EML3: variants seen among roughly 807,000 people sequenced by gnomAD.
The protein encoded by EML3 is echinoderm microtubule-associated protein-like 3.
Under a neutral mutation model 106.7 loss-of-function variants are expected in EML3, and 53 were observed. The observed-to-expected ratio is 0.50, with a 90% CI of 0.40 to 0.62. EML3 has a LOEUF of 0.62. Ranked by LOEUF, EML3 falls within the 20% of genes least tolerant of loss-of-function variation. The probability of loss-of-function intolerance (pLI) is 0.00; values close to 1 mark genes in which losing one functional copy is unlikely to be tolerated. For synonymous variants in EML3, 499 were observed against 489.6 expected (o/e 1.02, Z -0.25); for missense variants, 994 against 1,209.1 (o/e 0.82, Z 2.64).
chr11:62,609,607 C>T (rs1360361303), intron 5 of EML3, 22 bp downstream of exon 5: 1 of 1,597,526 alleles, frequency 6.3e-7, no homozygotes. Flanking sequence ...CCAAGTTTTC[C>T]TCTCTGTCCC....
chr11:62,607,894 G>C, intron 10 of EML3, 73 bp from the exon 11 acceptor site: 2 of 1,539,218 alleles, frequency 1.3e-6, no homozygotes, highest in Non-Finnish European at 1.8e-6. Flanking sequence ...TCCTCAATTT[G>C]CATCATGACA....
Position 62,611,568 on chromosome 11 carries a change from C to T in EML3, c.51G>A (p.Gln17=), listed in dbSNP as rs933078847. Residue 17 remains glutamine (Q), a synonymous_variant, in exon 2 of 22, where the codon CAG becomes CAA. Coordinates refer to ENST00000394773, the MANE Select transcript of EML3 (RefSeq NM_153265.3). ...PGDGPAREAL[Q]SLSQRLRVQE... ...GCACCCGAAGCCGCTGGCTCAGAGACTGGAGGGCCTCCCGAGCAGGGCCGT... is the reference window on the plus strand; with the variant it reads ...GCACCCGAAGCCGCTGGCTCAGAGATTGGAGGGCCTCCCGAGCAGGGCCGT... The T allele has an allele frequency of 2.5e-6, 4 of 1,613,552 alleles. No individual in the cohort carries two copies. Among genetic ancestry groups the T allele is most frequent in the African/African-American group, 2.7e-5 (2 of 74,952 alleles).
At position 62,611,072 on chromosome 11, in the gene EML3, C is replaced by T; in HGVS notation, c.452+15G>A. 6.2e-7 allele frequency: 1 copy of T among 1,600,734 alleles called. No homozygotes were observed. The highest frequency in any genetic ancestry group is 8.5e-7 in the Non-Finnish European group (1 of 1,177,650). On this transcript the variant is annotated intron_variant, in intron 3 of 21. Transcript: ENST00000394773. ...ACCCCTCCCAGCTTCCGCCACAGGG[C>T]CACAGGACACCTACGTGTCAGCACG... is the stretch of plus-strand genomic sequence containing the variant.
At position 62,611,737 on chromosome 11, in the gene EML3, G is replaced by A; in HGVS notation, c.23-141C>T. 5 of 968,982 alleles carry A rather than the reference G, an allele frequency of 5.2e-6. No individual in the cohort carries two copies. In the East Asian group the frequency reaches 8.1e-5, roughly 16 times the overall value. 60.0% of individuals were successfully genotyped at this position (968,982 alleles called of 1,614,324 possible). On this transcript the variant is annotated intron_variant, in intron 1 of 21. Transcript: ENST00000394773. ...CCCCAGGCTTGAATGCTCGTCCAGA[G>A]GGGAGGAGACGGTGGTAAAGGATCA...
At chr11:62,611,035 T>C (rs1942789058) in intron 3 of EML3, 43 bp from the exon 4 acceptor site, 3 of 1,607,712 alleles carry the variant, frequency 1.9e-6, no homozygotes, top group Admixed American at 1.7e-5. Flanking sequence ...AACTGTACTC[T>C]GCAATCCTAC....
In EML3 at chr11:62,603,952, G is replaced by A. The variant is rs1403401738; in HGVS notation, c.2161C>T (p.Arg721Cys). The change falls in exon 18 of 22, where the codon CGC becomes TGC. Residue 721 changes from arginine to cysteine, a missense_variant. Around this residue, in one of 3 missense-constraint regions of EML3, gnomAD observed 713 missense variants for 920.5 expected, o/e 0.77. Coordinates refer to ENST00000394773, the MANE Select transcript of EML3 (RefSeq NM_153265.3). ...CACCCCAACTTCCTCACCATACAGC[G>A]GCCAAAGCGGCTGGATTTGGCACCA... Reference protein sequence around the residue: ...SDGAKSSRFGRCMGHSSFITH... With the variant: ...SDGAKSSRFGCCMGHSSFITH... 14 of 1,613,882 alleles carry A rather than the reference G, an allele frequency of 8.7e-6. No individual in the cohort carries two copies. Among genetic ancestry groups the A allele is most frequent in the South Asian group, 1.1e-5 (1 of 91,060 alleles).
At position 62,605,990 on chromosome 11, in the gene EML3, G is replaced by C. The variant is rs781386660; in HGVS notation, c.1657-10C>G. On this transcript the variant is annotated splice_polypyrimidine_tract_variant and intron_variant, in intron 13 of 21. Coordinates refer to ENST00000394773, the MANE Select transcript of EML3 (RefSeq NM_153265.3). The surrounding 1 kb of genome is among the most constrained non-coding windows in gnomAD (Gnocchi z 5.2). ...CGAAGTGCTCGGGAATCTGCAGAGT[G>C]GTAGCAGAATGTCAAGAGCCCACTG... 1.2e-6 allele frequency: 2 copies of C among 1,613,908 alleles called. No homozygotes were observed. The highest frequency in any genetic ancestry group is 3.3e-5 in the Admixed American group (2 of 60,022).
intron 12 of EML3, 34 bp downstream of exon 12, chr11:62,606,921 GTAC>G: frequency 1.3e-6 from 2 of 1,598,220 alleles, no homozygotes; most frequent in Non-Finnish European, 1.7e-6. Flanking sequence ...AACCTCTGGA[GTAC>G]TACACTTCCC....
In EML3 at chr11:62,611,491, A is replaced by C. The variant is rs1288918986; in HGVS notation, c.128T>G (p.Leu43Arg). ...GGAAGGGGGCACCTGCAGCCGCAGCAGGCGAAGGGCTTCTGCCAGGGCTGC... is the reference window on the plus strand; with the variant it reads ...GGAAGGGGGCACCTGCAGCCGCAGCCGGCGAAGGGCTTCTGCCAGGGCTGC... ...VKAALAEALR[L>R]LRLQVPPSSL... The change falls in exon 2 of 22, where the codon CTG (leucine) becomes CGG (arginine). Residue 43 changes from leucine to arginine, a missense_variant. Physicochemically the swap from Leu to Arg is moderately radical, Grantham distance 102 (BLOSUM62 -2). Around this residue, in one of 3 missense-constraint regions of EML3, gnomAD observed 269 missense variants for 265.1 expected, o/e 1.01. Transcript: ENST00000394773. 1 of 1,613,776 alleles carries C rather than the reference A, an allele frequency of 6.2e-7. No homozygotes were observed. The highest frequency in any genetic ancestry group is 8.5e-7 in the Non-Finnish European group (1 of 1,179,940).
intron 9 of EML3, 72 bp downstream of exon 9, chr11:62,608,470 G>T: frequency 6.6e-7 from 1 of 1,504,388 alleles, no homozygotes; most frequent in Non-Finnish European, 9.2e-7. Context: ...AACTTCCAAG[G>T]CTTCCTGGTG....
chr11:62,602,701 G>A lies in EML3; in HGVS notation c.2488-23C>T, dbSNP rs749247787. The A allele has an allele frequency of 2.5e-6, 4 of 1,597,846 alleles. No individual in the cohort carries two copies. The East Asian group carries it at 6.8e-5, about 27-fold the overall frequency. On this transcript the variant is annotated intron_variant, in intron 21 of 21. Transcript: ENST00000394773. ...CGCCTGGGCCGGAGGGAAGAGTTGC[G>A]GTGGCGGCTGAGCCCTCGGGCCCAC...
Position 62,610,864 on chromosome 11 carries a change from G to GGAA in EML3, c.566+12_566+14dup. The GGAA allele has an allele frequency of 1.3e-6, 2 of 1,592,486 alleles. No homozygotes were observed. Among genetic ancestry groups the GGAA allele is most frequent in the Non-Finnish European group, 1.7e-6 (2 of 1,170,522 alleles). On this transcript the variant is annotated intron_variant, in intron 4 of 21. Transcript: ENST00000394773. ...GCGCCTGGGGCGGGGTGGGTTGAGG[G>GGAA]GAAGCCTCACCCACCTCTCTGTGCT...
intron 11 of EML3, 153 bp downstream of exon 11, chr11:62,607,513 G>C: frequency 1.1e-6 from 1 of 876,796 alleles, no homozygotes; most frequent in East Asian, 2.7e-5. Context: ...CTCTGGCCTG[G>C]GTGACAAGAG....
In EML3 at chr11:62,605,525, A is replaced by G; in HGVS notation, c.1914+117T>C. 7.5e-7 allele frequency: 1 copy of G among 1,333,448 alleles called. No homozygotes were observed. Among genetic ancestry groups the G allele is most frequent in the Non-Finnish European group, 1.0e-6 (1 of 986,362 alleles). 82.6% of individuals were successfully genotyped at this position (1,333,448 alleles called of 1,614,324 possible). A position where few individuals can be genotyped will look rare whatever the true frequency, so the allele number is the denominator to read the frequency against. ...TAATATTTGAGTAGCCAGTGCAGCC[A>G]TACCAGTACAAACTGGCCACCTCTG... On this transcript the variant is annotated intron_variant, in intron 15 of 21. Transcript: ENST00000394773. This position sits in a 1 kb window ranked among gnomAD's most constrained non-coding sequence, Gnocchi z 5.2.
intron 4 of EML3, 101 bp from the exon 5 acceptor site, chr11:62,609,797 C>T: frequency 9.8e-7 from 1 of 1,017,032 alleles, no homozygotes; most frequent in Non-Finnish European, 1.4e-6. Flanking sequence ...AAACCACAGT[C>T]ACTTCTGCAA....
At chr11:62,610,170 G>A (rs576816083) in intron 4 of EML3, among the ~76,000 whole-genome samples, 6 of 152,294 alleles carry the variant, frequency 3.9e-5, no homozygotes, top group African/African-American at 9.6e-5. Flanking sequence ...AAAGGGAGTC[G>A]AGAATGTACA....
At chr11:62,602,968 C>T in intron 20 of EML3, 79 bp from the exon 21 acceptor site, 2 of 1,469,704 alleles carry the variant, frequency 1.4e-6, no homozygotes, top group Non-Finnish European at 9.0e-7. Flanking sequence ...TCAGGCGCTC[C>T]GGCAGCCGCG....
chr11:62,604,122 A>G lies in EML3; in HGVS notation c.2062T>C (p.Tyr688His). The change falls in exon 17 of 22, where the codon TAC becomes CAC. Residue 688 changes from tyrosine (Y) to histidine (H), a missense_variant. Transcript: ENST00000394773. Reference sequence around the variant, plus strand: ...TTGGGGTGGCTCCCACCTGGGCTGTACCGGACCACTGAGAGCTGCTCATTG... The same window carrying G: ...TTGGGGTGGCTCCCACCTGGGCTGTGCCGGACCACTGAGAGCTGCTCATTG... ...DGNEQLSVVR[Y>H]SPDGLYLAIG... 6.2e-7 allele frequency: 1 copy of G among 1,614,050 alleles called. No homozygotes were observed. The highest frequency in any genetic ancestry group is 8.5e-7 in the Non-Finnish European group (1 of 1,179,998).
chr11:62,605,772 C>A lies in EML3; in HGVS notation c.1784G>T (p.Gly595Val). The A allele has an allele frequency of 6.3e-7, 1 of 1,596,244 alleles. No individual in the cohort carries two copies. Among genetic ancestry groups the A allele is most frequent in the Non-Finnish European group, 8.6e-7 (1 of 1,169,534 alleles). The change falls in exon 15 of 22, where the codon GGC becomes GTC. Residue 595 changes from glycine to valine, a missense_variant and splice_region_variant. Gly to Val is a moderately radical substitution (Grantham distance 109). Around this residue, in one of 3 missense-constraint regions of EML3, gnomAD observed 713 missense variants for 920.5 expected, o/e 0.77. Transcript: ENST00000394773. The surrounding 1 kb of genome is among the most constrained non-coding windows in gnomAD (Gnocchi z 5.2). ...LAQGFSPVIQ[G>V]HTDELWGLCT... ...GAGCCCCCAGAGCTCATCAGTGTGGCCCTGCAGCACAGCATGACTGTCACT... is the reference window on the plus strand; with the variant it reads ...GAGCCCCCAGAGCTCATCAGTGTGGACCTGCAGCACAGCATGACTGTCACT...
Sources: allele counts gnomAD v4.1 joint callset (sites outside exome capture counted in the v4.1 genomes callset), GRCh38; gene constraint gnomAD v4.1.1; regional missense constraint gnomAD v4.1.1; non-coding constraint Gnocchi (gnomAD v3.1); transcripts MANE v1.5; gene names NCBI Gene and HGNC (gene_info 2026-07-23, HGNC 2026-07-21).